Variants in NCAM1 observed in about 807,000 individuals in gnomAD.
NCAM1 encodes antigen recognized by monoclonal antibody 5.1H11.
NCAM1 carries 14 observed loss-of-function variants against 109.8 expected under a neutral mutation model. That is an observed-to-expected ratio of 0.13 (90% CI 0.08 to 0.20). NCAM1 has a LOEUF of 0.20. Among genes scored for constraint, NCAM1 ranks in the 10% least tolerant of loss-of-function variants. The pLI is 1.00. For synonymous variants in NCAM1, 418 were observed against 442.9 expected (o/e 0.94, Z 0.70); for missense variants, 774 against 1,109.9 (o/e 0.70, Z 4.30).
At chr11:113,254,324 C>T (rs1185347684) in intron 15 of NCAM1, among the ~76,000 whole-genome samples, 1 of 152,158 alleles carries the variant, frequency 6.6e-6, no homozygotes, top group Non-Finnish European at 1.5e-5. Context: ...AATTATTGAT[C>T]TAAGAAAACA....
chr11:112,968,603 A>G (rs1950788421), intron 1 of NCAM1, among the ~76,000 whole-genome samples: 1 of 152,234 alleles, frequency 6.6e-6, no homozygotes, highest in African/African-American at 2.4e-5. Flanking sequence ...CTAAACGTAC[A>G]TCGTCCCTGT....
In NCAM1 at chr11:113,232,153, AT is replaced by A; in HGVS notation, c.1241-15del. 6.4e-7 allele frequency: 1 copy of A among 1,566,936 alleles called. No individual in the cohort carries two copies. Among genetic ancestry groups the A allele is most frequent in the Non-Finnish European group, 8.6e-7 (1 of 1,157,898 alleles). On this transcript the variant is annotated splice_polypyrimidine_tract_variant and intron_variant, in intron 10 of 19. Coordinates refer to ENST00000316851, the MANE Select transcript of NCAM1 (RefSeq NM_181351.5). The stretch of plus-strand genomic sequence containing the variant: ...AATCATGGCAGTCATCCTGACAGTC[AT>A]TGTTATTTATTGCAGATGCCCCAAA...
At chr11:113,217,267 A>G (rs1944557268) in intron 8 of NCAM1, among the ~76,000 whole-genome samples, 1 of 152,190 alleles carries the variant, frequency 6.6e-6, no homozygotes. Flanking sequence ...GGAGTTGGCC[A>G]ATGCTGAAGA....
chr11:113,258,151 A>G lies in NCAM1; in HGVS notation c.1954-1995A>G, dbSNP rs7950798. 8.5e-3 allele frequency among the ~76,000 whole-genome samples: 1,299 copies of G among 152,336 alleles called. 18 individuals carry two copies. Among genetic ancestry groups the G allele is most frequent in the African/African-American group, 0.029 (1,219 of 41,572 alleles). ...CTTCCAAGGAGCAGCCTGTCATGCA[A>G]TAAACATCTATCAAGACTTCTTGTG... On this transcript the variant is annotated intron_variant, in intron 16 of 19. Transcript: ENST00000316851.
chr11:113,131,225 G>A (rs1316397565), intron 1 of NCAM1, among the ~76,000 whole-genome samples: 2 of 151,992 alleles, frequency 1.3e-5, no homozygotes, highest in Non-Finnish European at 2.9e-5. Flanking sequence ...TTCGAGGTAG[G>A]CTGTGGAAGA....
chr11:113,262,355 C>T (rs192064505), intron 17 of NCAM1, among the ~76,000 whole-genome samples: 104 of 152,372 alleles, frequency 6.8e-4, no homozygotes, highest in African/African-American at 2.3e-3. Context: ...GGGTAAAACA[C>T]GCTAGACACT....
intron 14 of NCAM1, 90 bp from the exon 15 acceptor site, chr11:113,246,278 C>T: frequency 1.5e-6 from 1 of 680,782 alleles, no homozygotes; most frequent in East Asian, 2.7e-5. Context: ...CCTCCACTTT[C>T]CTTTCAACCA....
chr11:113,073,421 T>A (rs901437090), intron 1 of NCAM1, among the ~76,000 whole-genome samples: 1 of 152,218 alleles, frequency 6.6e-6, no homozygotes, highest in South Asian at 2.1e-4. Context: ...AAATTTAGTT[T>A]AGGAAACATT....
intron 1 of NCAM1, among the ~76,000 whole-genome samples, chr11:113,130,968 G>A (rs1941360991): frequency 6.6e-6 from 1 of 152,140 alleles, no homozygotes; most frequent in Non-Finnish European, 1.5e-5. Flanking sequence ...TGGACTATGA[G>A]GAAAACTACT....
At chr11:113,063,868 CCAT>C (rs141840452) in intron 1 of NCAM1, among the ~76,000 whole-genome samples, 2,322 of 152,190 alleles carry the variant, frequency 0.015, 57 homozygotes, top group African/African-American at 0.053. Context: ...CAGAATATGC[CCAT>C]CATCAGCATT....
At chr11:113,027,281 TA>T (rs1952575428) in intron 1 of NCAM1, among the ~76,000 whole-genome samples, 1 of 152,210 alleles carries the variant, frequency 6.6e-6, no homozygotes, top group African/African-American at 2.4e-5. Flanking sequence ...GTATATAAAA[TA>T]TGTTGATGTA....
chr11:113,242,682 G>A, intron 14 of NCAM1: 7 of 785,838 alleles, frequency 8.9e-6, no homozygotes, highest in Non-Finnish European at 1.5e-5. Flanking sequence ...TCTTTATAAT[G>A]ATGCCTACAT....
intron 8 of NCAM1, among the ~76,000 whole-genome samples, chr11:113,216,182 G>A (rs570624962): frequency 2.4e-5 from 3 of 125,410 alleles, no homozygotes; most frequent in South Asian, 2.5e-4. Flanking sequence ...ACGGAGTCTC[G>A]CTGTCGCCCA....
chr11:113,087,114 A>G (rs781799607), intron 1 of NCAM1, among the ~76,000 whole-genome samples: 1 of 152,242 alleles, frequency 6.6e-6, no homozygotes, highest in African/African-American at 2.4e-5. Context: ...GAAAGCACAT[A>G]GTTATATTCT....
chr11:113,149,247 A>G (rs2136253643), intron 1 of NCAM1, among the ~76,000 whole-genome samples: 1 of 152,278 alleles, frequency 6.6e-6, no homozygotes, highest in Admixed American at 6.5e-5. Flanking sequence ...AAGCCTGGCT[A>G]GGGCTGTGCC....
At chr11:113,263,065 G>T (rs782357323) in intron 17 of NCAM1, 4 of 1,411,014 alleles carry the variant, frequency 2.8e-6, no homozygotes, top group Non-Finnish European at 3.7e-6. Context: ...AAGGTTTTGT[G>T]ATTGGAAAAA....
intron 1 of NCAM1, among the ~76,000 whole-genome samples, chr11:113,140,026 T>C (rs1344040104): frequency 6.6e-6 from 1 of 152,230 alleles, no homozygotes; most frequent in Non-Finnish European, 1.5e-5. Flanking sequence ...AAGCAGTTTG[T>C]CACCATTATC....
intron 1 of NCAM1, among the ~76,000 whole-genome samples, chr11:112,985,816 G>GT (rs1403017189): frequency 6.6e-6 from 1 of 151,806 alleles, no homozygotes. Context: ...AATCTTTAGT[G>GT]TTTTTTAATA....
chr11:113,235,289 TC>T, intron 14 of NCAM1, 125 bp downstream of exon 14: 1 of 1,585,476 alleles, frequency 6.3e-7, no homozygotes. Flanking sequence ...ATCCCTCTGC[TC>T]CTGGAGGCCC....
Sources: allele counts gnomAD v4.1 joint callset (sites outside exome capture counted in the v4.1 genomes callset), GRCh38; gene constraint gnomAD v4.1.1; transcripts MANE v1.5; gene names NCBI Gene and HGNC (gene_info 2026-07-23, HGNC 2026-07-21).